Variants in KIRREL3 observed in about 807,000 individuals in gnomAD.
The protein encoded by KIRREL3 is kin of IRRE-like protein 3.
In KIRREL3, 36 loss-of-function variants were observed where a neutral mutation model predicts 89.7. The ratio of observed to expected loss-of-function variants is 0.40; its 90% CI spans 0.31 to 0.53. The LOEUF is 0.53. KIRREL3 is among the 20% of genes least tolerant of loss of function. KIRREL3 has a pLI of 0.49. For missense variants in KIRREL3, 864 were observed against 1,056.6 expected (o/e 0.82, Z 2.53); for synonymous variants, 445 against 441.4 (o/e 1.01, Z -0.10).
chr11:126,773,659 AC>A lies in KIRREL3; in HGVS notation c.56-210748del, dbSNP rs1950084551. 6.6e-6 allele frequency among the ~76,000 whole-genome samples: 1 copy of A among 152,150 alleles called. No individual in the cohort carries two copies. Among genetic ancestry groups the A allele is most frequent in the Non-Finnish European group, 1.5e-5 (1 of 68,024 alleles). Reference sequence around the variant, plus strand: ...CACACTAGCTTCTGCCATAGGAAGAACATCAAGCTGTATGTATGTGTGTGTG... The same window carrying A: ...CACACTAGCTTCTGCCATAGGAAGAAATCAAGCTGTATGTATGTGTGTGTG... On this transcript the variant is annotated intron_variant, in intron 1 of 16. Transcript: ENST00000525144. This position sits in a 1 kb window ranked among gnomAD's most constrained non-coding sequence, Gnocchi z 4.2.
intron 1 of KIRREL3, among the ~76,000 whole-genome samples, chr11:126,868,695 C>G (rs1335532565): frequency 6.6e-6 from 1 of 152,082 alleles, no homozygotes; most frequent in East Asian, 1.9e-4. Flanking sequence ...TGTTAGTGCC[C>G]TTTCTTATCC....
rs978711826 is a variant in KIRREL3 at position 126,655,080 on chromosome 11, G to A, written c.56-92168C>T. Among the ~76,000 whole-genome samples the A allele has an allele frequency of 5.9e-5, 9 of 152,248 alleles. No individual in the cohort carries two copies. The highest frequency in any genetic ancestry group is 1.0e-4 in the Non-Finnish European group (7 of 68,048). Reference sequence around the variant, plus strand: ...TCTCACCCCACTGTGGGCAGGTGGTGGTGGAGCACATCTGTCTCTCTCCGT... The same window carrying A: ...TCTCACCCCACTGTGGGCAGGTGGTAGTGGAGCACATCTGTCTCTCTCCGT... On this transcript the variant is annotated intron_variant, in intron 1 of 16. Transcript: ENST00000525144. This position sits in a 1 kb window ranked among gnomAD's most constrained non-coding sequence, Gnocchi z 5.0.
intron 1 of KIRREL3, among the ~76,000 whole-genome samples, chr11:126,875,509 T>A (rs1222836797): frequency 8.5e-5 from 13 of 152,216 alleles, no homozygotes; most frequent in Non-Finnish European, 1.9e-4. Flanking sequence ...TCTGGAGTCG[T>A]GGCAATAATT....
rs1049174487 is a variant in KIRREL3, at chr11:126,924,622, G to T, written c.55+75833C>A. Among the ~76,000 whole-genome samples the T allele has an allele frequency of 2.0e-5, 3 of 152,160 alleles. No homozygotes were observed. Among genetic ancestry groups the T allele is most frequent in the Non-Finnish European group, 2.9e-5 (2 of 68,030 alleles). ...AGAGTAGTCTTGATTTAAAGGCAGGGCTGTTGGGGGATTTGGAAGAAGTGT... is the reference window on the plus strand; with the variant it reads ...AGAGTAGTCTTGATTTAAAGGCAGGTCTGTTGGGGGATTTGGAAGAAGTGT... On this transcript the variant is annotated intron_variant, in intron 1 of 16. Transcript: ENST00000525144. The surrounding 1 kb of genome is among the most constrained non-coding windows in gnomAD (Gnocchi z 4.7).
intron 1 of KIRREL3, among the ~76,000 whole-genome samples, chr11:126,826,230 G>T (rs1423582285): frequency 6.6e-6 from 1 of 152,148 alleles, no homozygotes; most frequent in Non-Finnish European, 1.5e-5. Context: ...ACAGAATTCT[G>T]CCTTGTTTTG....
Position 126,873,060 on chromosome 11 carries a change from G to A in KIRREL3, c.55+127395C>T, listed in dbSNP as rs185192444. Among the ~76,000 whole-genome samples, 39 of 152,270 alleles carry A rather than the reference G, an allele frequency of 2.6e-4. No homozygotes were observed. The East Asian group carries it at 5.8e-3, about 23-fold the overall frequency. On this transcript the variant is annotated intron_variant, in intron 1 of 16. Transcript: ENST00000525144. ...ACAGATACATCTTTGTTCAGCCAAA[G>A]AACTTTGATATAAATTGTAGCTTTT...
intron 1 of KIRREL3, among the ~76,000 whole-genome samples, chr11:126,581,597 A>G (rs1314645055): frequency 1.3e-5 from 2 of 152,228 alleles, no homozygotes; most frequent in Admixed American, 6.5e-5. Context: ...AAAAGCATAC[A>G]TTGTGGAATG....
chr11:126,851,794 G>C (rs1944345813), intron 1 of KIRREL3, among the ~76,000 whole-genome samples: 1 of 152,196 alleles, frequency 6.6e-6, no homozygotes, highest in Non-Finnish European at 1.5e-5. Flanking sequence ...TGATGGGACA[G>C]CATAAAGCTG....
intron 1 of KIRREL3, among the ~76,000 whole-genome samples, chr11:126,701,235 C>T (rs1280063911): frequency 6.6e-6 from 1 of 152,152 alleles, no homozygotes; most frequent in Non-Finnish European, 1.5e-5. Context: ...ATGTGTGTGA[C>T]ACCCCTTCAT....
At position 126,537,797 on chromosome 11, in the gene KIRREL3, G is replaced by A. The variant is rs923119739; in HGVS notation, c.134-11110C>T. Among the ~76,000 whole-genome samples, 4 of 152,366 alleles carry A rather than the reference G, an allele frequency of 2.6e-5. No individual in the cohort carries two copies. Among genetic ancestry groups the A allele is most frequent in the Admixed American group, 2.0e-4 (3 of 15,312 alleles). ...ATGTAAATGATCTTGGTAGACAGGT[G>A]TTTCACAAAGGGTCATTCTTACTTT... On this transcript the variant is annotated intron_variant, in intron 2 of 16. Transcript: ENST00000525144. This position sits in a 1 kb window ranked among gnomAD's most constrained non-coding sequence, Gnocchi z 4.3.
intron 5 of KIRREL3, among the ~76,000 whole-genome samples, chr11:126,472,723 A>AGAGAG (rs1196261455): frequency 1.3e-5 from 2 of 152,000 alleles, no homozygotes; most frequent in Non-Finnish European, 2.9e-5. Flanking sequence ...AGAGAGAGAG[A>AGAGAG]GAGAGAGAGC....
At position 126,574,471 on chromosome 11, in the gene KIRREL3, C is replaced by T. The variant is rs147881131; in HGVS notation, c.56-11559G>A. Among the ~76,000 whole-genome samples the T allele has an allele frequency of 6.6e-6, 1 of 152,288 alleles. No individual in the cohort carries two copies. Among genetic ancestry groups the T allele is most frequent in the Non-Finnish European group, 1.5e-5 (1 of 68,020 alleles). On this transcript the variant is annotated intron_variant, in intron 1 of 16. Coordinates refer to ENST00000525144, the MANE Select transcript of KIRREL3 (RefSeq NM_032531.4). The surrounding 1 kb of genome is among the most constrained non-coding windows in gnomAD (Gnocchi z 5.3). ...CAGGTCCAGGGGAGCGATTCTGAGC[C>T]ACCAGCCATCACTCAATAAGAACAT... is the stretch of plus-strand genomic sequence containing the variant.
intron 1 of KIRREL3, among the ~76,000 whole-genome samples, chr11:126,888,930 C>A (rs926763498): frequency 1.3e-5 from 2 of 152,148 alleles, no homozygotes; most frequent in East Asian, 3.8e-4. Flanking sequence ...GCAGGGAAGG[C>A]CTTATCATTC....
chr11:126,617,150 G>C (rs777334404), intron 1 of KIRREL3, among the ~76,000 whole-genome samples: 216 of 152,354 alleles, frequency 1.4e-3, no homozygotes, highest in Non-Finnish European at 1.7e-3. Flanking sequence ...GGGCCTGTTA[G>C]CCTGACGAGG....
At position 126,664,821 on chromosome 11, in the gene KIRREL3, T is replaced by C. The variant is rs1403984096; in HGVS notation, c.56-101909A>G. Among the ~76,000 whole-genome samples, 1 of 152,190 alleles carries C rather than the reference T, an allele frequency of 6.6e-6. No individual in the cohort carries two copies. The highest frequency in any genetic ancestry group is 1.5e-5 in the Non-Finnish European group (1 of 68,040). On this transcript the variant is annotated intron_variant, in intron 1 of 16. Coordinates refer to ENST00000525144, the MANE Select transcript of KIRREL3 (RefSeq NM_032531.4). This position sits in a 1 kb window ranked among gnomAD's most constrained non-coding sequence, Gnocchi z 5.4. The stretch of plus-strand genomic sequence containing the variant: ...CCTCATGGCACTACTTCCTCATCTA[T>C]GAACCTCTTGTGCCCTTAGACAGGG...
At chr11:126,510,715 T>G (rs1446871638) in intron 4 of KIRREL3, among the ~76,000 whole-genome samples, 2 of 152,142 alleles carry the variant, frequency 1.3e-5, no homozygotes, top group African/African-American at 4.8e-5. Context: ...CCTCCTCATT[T>G]TTAAAAATTG....
rs927113109 is a variant in KIRREL3, at chr11:126,431,154, A to G, written c.1696+265T>C. 48 of 1,441,852 alleles carry G rather than the reference A, an allele frequency of 3.3e-5. No homozygotes were observed. The highest frequency in any genetic ancestry group is 4.4e-5 in the Non-Finnish European group (48 of 1,100,356). The allele number at this position is 1,441,852 out of a possible 1,614,324, so 89.3% of individuals were successfully genotyped here. On this transcript the variant is annotated intron_variant, in intron 14 of 16. Transcript: ENST00000525144. This position sits in a 1 kb window ranked among gnomAD's most constrained non-coding sequence, Gnocchi z 7.1. ...TGTACAGTTCCTGACTGAAAGAGCT[A>G]TGTGTTCAATCCAAAATGCTGGCTG...
chr11:126,510,057 C>A (rs1249113165), intron 4 of KIRREL3, among the ~76,000 whole-genome samples: 1 of 149,826 alleles, frequency 6.7e-6, no homozygotes, highest in Non-Finnish European at 1.5e-5. Flanking sequence ...ACACACACTG[C>A]TCAAATTGAG....
intron 1 of KIRREL3, among the ~76,000 whole-genome samples, chr11:126,602,647 G>A (rs1942712326): frequency 6.6e-6 from 1 of 152,142 alleles, no homozygotes; most frequent in South Asian, 2.1e-4. Context: ...AGAAAGGCAG[G>A]CATGTGGCCC....
Sources: gnomAD v4.1 joint callset for allele counts (sites outside exome capture counted in the v4.1 genomes callset) on GRCh38, gnomAD v4.1.1 for gene constraint, Gnocchi (gnomAD v3.1) non-coding constraint, MANE v1.5 for transcripts, NCBI Gene and HGNC (gene_info 2026-07-23, HGNC 2026-07-21) for gene names.